The following GPR141 variants were observed in gnomAD, a reference collection of about 807,000 sequenced individuals.
GPR141 encodes the protein G protein-coupled receptor 141.
A neutral mutation model predicts 6.8 loss-of-function variants in GPR141; 6 were observed. The ratio of observed to expected loss-of-function variants is 0.88; its 90% CI spans 0.48 to 1.74. The LOEUF (loss-of-function observed/expected upper bound fraction) is 1.74. Among genes scored for constraint, GPR141 ranks in the 40% most tolerant of loss-of-function variants. The pLI is 0.01. For missense variants in GPR141, 372 were observed against 372.9 expected (o/e 1.00, Z 0.02); for synonymous variants, 140 against 142.3 (o/e 0.98, Z 0.11).
Position 37,740,876 on chromosome 7 carries a change from C to T in GPR141, c.483C>T (p.Tyr161=). The change falls in exon 3 of 3, where the codon TAC becomes TAT. Residue 161 remains tyrosine (Y), a synonymous_variant. Coordinates refer to ENST00000334425, the MANE Select transcript of GPR141 (RefSeq NM_001381946.1). ...CCCGGTATGGAATCCATGAGGAATACAATGAGGAGCACTGTTTTAAATTTC... is the reference window on the plus strand; with the variant it reads ...CCCGGTATGGAATCCATGAGGAATATAATGAGGAGCACTGTTTTAAATTTC... ...VVSRYGIHEE[Y]NEEHCFKFHK... 1 of 1,614,070 alleles carries T rather than the reference C, an allele frequency of 6.2e-7. No homozygotes were observed.
At chr7:37,731,576 T>G (rs1489618899) in intron 2 of GPR141, among the ~76,000 whole-genome samples, 2 of 151,778 alleles carry the variant, frequency 1.3e-5, no homozygotes, top group Non-Finnish European at 3.0e-5. Context: ...CCCGAGTAGC[T>G]GGGACTACAG....
intron 2 of GPR141, among the ~76,000 whole-genome samples, chr7:37,734,050 G>C (rs1347797786): frequency 6.6e-6 from 1 of 152,034 alleles, no homozygotes; most frequent in Non-Finnish European, 1.5e-5. Context: ...GTGCACACCT[G>C]TAGTCCTAGC....
intron 2 of GPR141, among the ~76,000 whole-genome samples, chr7:37,722,281 T>A (rs1020938693): frequency 6.6e-6 from 1 of 152,216 alleles, no homozygotes; most frequent in South Asian, 2.1e-4. Flanking sequence ...TGAGATGTTA[T>A]ACGGTCGTAT....
chr7:37,716,338 G>T (rs1453666048), intron 2 of GPR141, among the ~76,000 whole-genome samples: 1 of 152,292 alleles, frequency 6.6e-6, no homozygotes, highest in East Asian at 1.9e-4. Flanking sequence ...ACCTATTAGA[G>T]TGAGAAGGAG....
chr7:37,703,251 A>AT (rs1343894095), intron 2 of GPR141, among the ~76,000 whole-genome samples: 7 of 151,596 alleles, frequency 4.6e-5, no homozygotes, highest in Non-Finnish European at 7.4e-5. Context: ...TGTGTAGAGG[A>AT]TTTTTTTTAG....
chr7:37,685,418 C>CTCCCTCCA (rs1809457972), intron 1 of GPR141, 42 bp from the exon 2 acceptor site: 1 of 151,632 alleles, frequency 6.6e-6, no homozygotes, highest in South Asian at 2.1e-4. Flanking sequence ...CCCTCCCTCC[C>CTCCCTCCA]TCCCTCCATC....
At chr7:37,692,112 T>C (rs1457363176) in intron 2 of GPR141, among the ~76,000 whole-genome samples, 1 of 152,104 alleles carries the variant, frequency 6.6e-6, no homozygotes, top group Non-Finnish European at 1.5e-5. Flanking sequence ...CTGTTATCTA[T>C]ATTAGGTATT....
chr7:37,706,339 G>A (rs1810522069), intron 2 of GPR141, among the ~76,000 whole-genome samples: 1 of 152,328 alleles, frequency 6.6e-6, no homozygotes, highest in Admixed American at 6.5e-5. Context: ...TCACTGGTTT[G>A]GGATAGATGA....
At chr7:37,711,460 T>C (rs559752828) in intron 2 of GPR141, among the ~76,000 whole-genome samples, 13 of 152,260 alleles carry the variant, frequency 8.5e-5, no homozygotes, top group Admixed American at 4.6e-4. Context: ...AGCAGGTGAA[T>C]TGTGGGTTGA....
chr7:37,724,976 C>T (rs1022211887), intron 2 of GPR141, among the ~76,000 whole-genome samples: 1 of 152,108 alleles, frequency 6.6e-6, no homozygotes, highest in African/African-American at 2.4e-5. Flanking sequence ...AGTGACAAGC[C>T]GTGCTAGCTT....
rs758137642 is a variant in GPR141, at chr7:37,741,115, A to G, written c.722A>G (p.Tyr241Cys). The G allele has an allele frequency of 2.8e-5, 45 of 1,613,734 alleles. No homozygotes were observed. In the Middle Eastern group the frequency reaches 1.2e-3, roughly 41 times the overall value. ...IGVILVCFLP[Y>C]QFFRIYYLNV... Reference sequence around the variant, plus strand: ...GTCATCCTTGTTTGTTTCCTTCCCTACCAGTTCTTTAGGATCTATTACTTG... The same window carrying G: ...GTCATCCTTGTTTGTTTCCTTCCCTGCCAGTTCTTTAGGATCTATTACTTG... Residue 241 changes from tyrosine to cysteine, a missense_variant, in exon 3 of 3, where the codon TAC (tyrosine) becomes TGC (cysteine). Coordinates refer to ENST00000334425, the MANE Select transcript of GPR141 (RefSeq NM_001381946.1).
chr7:37,717,661 C>G (rs549603448), intron 2 of GPR141, among the ~76,000 whole-genome samples: 1 of 152,140 alleles, frequency 6.6e-6, no homozygotes, highest in Non-Finnish European at 1.5e-5. Flanking sequence ...TTCTCAGATT[C>G]CCCCTTCTCC....
intron 2 of GPR141, among the ~76,000 whole-genome samples, chr7:37,735,079 C>T (rs1007358302): frequency 6.6e-6 from 1 of 152,072 alleles, no homozygotes; most frequent in African/African-American, 2.4e-5. Flanking sequence ...TTAAAAATTG[C>T]GTTAGCTTCT....
intron 2 of GPR141, among the ~76,000 whole-genome samples, chr7:37,732,684 G>C (rs777284811): frequency 6.6e-6 from 1 of 152,150 alleles, no homozygotes; most frequent in Non-Finnish European, 1.5e-5. Context: ...CAATAAATAG[G>C]TTATGAAGAT....
intron 2 of GPR141, among the ~76,000 whole-genome samples, chr7:37,706,003 G>A (rs1810505900): frequency 6.6e-6 from 1 of 152,164 alleles, no homozygotes; most frequent in Admixed American, 6.6e-5. Flanking sequence ...CAGGAAATGC[G>A]AGAATCTTTG....
intron 2 of GPR141, among the ~76,000 whole-genome samples, chr7:37,731,704 G>A (rs1811948741): frequency 6.6e-6 from 1 of 152,110 alleles, no homozygotes; most frequent in Admixed American, 6.5e-5. Context: ...CGCCCGCCTC[G>A]GCCTCCCGAA....
At chr7:37,699,473 A>G (rs920745001) in intron 2 of GPR141, among the ~76,000 whole-genome samples, 1 of 152,224 alleles carries the variant, frequency 6.6e-6, no homozygotes, top group East Asian at 1.9e-4. Context: ...AGGCAGGAGA[A>G]TGGTGTGAAC....
chr7:37,713,059 C>T (rs1444817737), intron 2 of GPR141, among the ~76,000 whole-genome samples: 1 of 152,228 alleles, frequency 6.6e-6, no homozygotes, highest in Non-Finnish European at 1.5e-5. Flanking sequence ...CAAGCTAGCA[C>T]ATTGTGACTT....
chr7:37,731,461 A>C (rs1013632737), intron 2 of GPR141, among the ~76,000 whole-genome samples: 11 of 152,286 alleles, frequency 7.2e-5, no homozygotes, highest in African/African-American at 2.6e-4. Context: ...ATAGCATCCC[A>C]TATGCAAAGG....
Sources: allele counts gnomAD v4.1 joint callset (sites outside exome capture counted in the v4.1 genomes callset), GRCh38; gene constraint gnomAD v4.1.1; transcripts MANE v1.5; gene names NCBI Gene and HGNC (gene_info 2026-07-23, HGNC 2026-07-21).